SYNE1: variants seen among roughly 807,000 people sequenced by gnomAD.
The protein encoded by SYNE1 is nesprin-1.
In SYNE1, 616 loss-of-function variants were observed where a neutral mutation model predicts 1,111.0. That is an observed-to-expected ratio of 0.55 (90% CI 0.52 to 0.59). SYNE1 has a LOEUF of 0.59. SYNE1 is among the 20% of genes least tolerant of loss of function. The probability of loss-of-function intolerance (pLI) is 0.00; values close to 1 mark genes in which losing one functional copy is unlikely to be tolerated. For missense variants in SYNE1, 10,006 were observed against 10,417.0 expected (o/e 0.96, Z 1.72); for synonymous variants, 3,855 against 3,825.8 (o/e 1.01, Z -0.28).
At chr6:152,468,818 C>G (rs1321215674) in intron 16 of SYNE1, among the ~76,000 whole-genome samples, 1 of 152,056 alleles carries the variant, frequency 6.6e-6, no homozygotes, top group Non-Finnish European at 1.5e-5. Flanking sequence ...CTCTGTAGCT[C>G]AGGCTGAAGT....
At chr6:152,249,844 C>A (rs1011039522) in intron 104 of SYNE1, among the ~76,000 whole-genome samples, 1 of 151,922 alleles carries the variant, frequency 6.6e-6, no homozygotes, top group Non-Finnish European at 1.5e-5. Flanking sequence ...GTATTTTGTT[C>A]AAAAATATTA....
At position 152,313,385 on chromosome 6, in the gene SYNE1, AGCCCCTATTCAG is replaced by A. The variant is rs553930030; in HGVS notation, c.16711-2524_16711-2513del. ...CAATAGGTGTCATCCTCATTTACCC[AGCCCCTATTCAG>A]GCCCCTACGAAGTCACTCTGGTTCT... On this transcript the variant is annotated intron_variant, in intron 87 of 145. Transcript: ENST00000367255. Among the ~76,000 whole-genome samples, 421 of 152,118 alleles carry A rather than the reference AGCCCCTATTCAG, an allele frequency of 2.8e-3. 3 individuals are homozygous for A. Among genetic ancestry groups the A allele is most frequent in the African/African-American group, 9.5e-3 (396 of 41,502 alleles).
intron 113 of SYNE1, 68 bp downstream of exon 113, chr6:152,232,048 G>GT (rs1358375214): frequency 9.7e-6 from 12 of 1,242,262 alleles, no homozygotes; most frequent in Middle Eastern, 5.5e-4. Context: ...CATAATTTGA[G>GT]TTTTTTAGTT....
chr6:152,379,705 C>T (rs991298289), intron 56 of SYNE1, among the ~76,000 whole-genome samples: 36 of 152,196 alleles, frequency 2.4e-4, no homozygotes, highest in Non-Finnish European at 2.9e-5. Context: ...TGGAAGCAGA[C>T]ATACACAGAG....
At chr6:152,510,934 A>T in intron 7 of SYNE1, 77 bp downstream of exon 7, 1 of 1,268,016 alleles carries the variant, frequency 7.9e-7, no homozygotes, top group East Asian at 2.3e-5. Context: ...ATGGCAAATG[A>T]GAGCATTATT....
In SYNE1 at chr6:152,201,844, C is replaced by A. The variant is rs1191940113; in HGVS notation, c.23125G>T (p.Ala7709Ser). The A allele has an allele frequency of 6.2e-7, 1 of 1,613,912 alleles. No individual in the cohort carries two copies. ...TTTACCTTGCAACGCATTTGTTCTG[C>A]ATGGAGCTCTTCATGGTGATCCGGG... is the stretch of plus-strand genomic sequence containing the variant. ...SLPDHHEELH[A>S]EQMRCKELEN... is the part of the protein sequence containing the mutation. Residue 7709 changes from alanine (A) to serine (S), a missense_variant, in exon 127 of 146, where the codon GCA becomes TCA. Physicochemically the swap from Ala to Ser is moderately conservative, Grantham distance 99. Around this residue, in one of 7 missense-constraint regions of SYNE1, gnomAD observed 2,182 missense variants for 2,287.8 expected, o/e 0.95. Transcript: ENST00000367255.
intron 144 of SYNE1, among the ~76,000 whole-genome samples, 180 bp downstream of exon 144, chr6:152,131,942 T>G (rs866753059): frequency 4.6e-5 from 7 of 152,272 alleles, no homozygotes; most frequent in Middle Eastern, 3.4e-3. Flanking sequence ...GAATCGCTCT[T>G]TTCCATTCCT....
intron 3 of SYNE1, among the ~76,000 whole-genome samples, chr6:152,564,973 A>G (rs73633254): frequency 0.036 from 5,537 of 152,328 alleles, 345 homozygotes; most frequent in African/African-American, 0.13. Flanking sequence ...ATCACATAGT[A>G]TTCATTCATC....
chr6:152,591,545 A>G lies in SYNE1; in HGVS notation c.67+36720T>C, dbSNP rs1342603036. On this transcript the variant is annotated intron_variant, in intron 3 of 145. Coordinates refer to ENST00000367255, the MANE Select transcript of SYNE1 (RefSeq NM_182961.4). ...TAAAGATTTAAATGTAAGACCTCAA[A>G]ATGTAAAAATCCTGGAAGACAACCT... is the stretch of plus-strand genomic sequence containing the variant. Among the ~76,000 whole-genome samples, 4 of 152,314 alleles carry G rather than the reference A, an allele frequency of 2.6e-5. No individual in the cohort carries two copies. The East Asian group carries it at 7.7e-4, about 29-fold the overall frequency.
At chr6:152,254,649 T>C (rs1376243172) in intron 104 of SYNE1, among the ~76,000 whole-genome samples, 1 of 152,248 alleles carries the variant, frequency 6.6e-6, no homozygotes, top group Non-Finnish European at 1.5e-5. Flanking sequence ...TTGATTGAAT[T>C]CTATTCAGTC....
Position 152,331,794 on chromosome 6 carries a change from A to G in SYNE1, c.12891T>C (p.Asp4297=), listed in dbSNP as rs1554474332. 4 of 1,614,166 alleles carry G rather than the reference A, an allele frequency of 2.5e-6. No individual in the cohort carries two copies. The highest frequency in any genetic ancestry group is 3.3e-4 in the Middle Eastern group (2 of 6,062). ...ERKYAIEDLK[D]QKQKMIEHLN... ...GATGCTCTATCATTTTCTGCTTTTGATCTTTCAGATCTTCAATAGCATACT... is the reference window on the plus strand; with the variant it reads ...GATGCTCTATCATTTTCTGCTTTTGGTCTTTCAGATCTTCAATAGCATACT... Residue 4297 remains aspartate (D), a synonymous_variant, in exon 78 of 146, where the codon GAT becomes GAC. Coordinates refer to ENST00000367255, the MANE Select transcript of SYNE1 (RefSeq NM_182961.4).
chr6:152,339,277 T>A lies in SYNE1; in HGVS notation c.12315A>T (p.Lys4105Asn). ...TTTGTTGAATGTCTTTTGCTGTGGT[T>A]TTCACCGAAGCATTTGACAGGTCAC... is the stretch of plus-strand genomic sequence containing the variant. ...SMCDLSNASV[K>N]TTAKDIQQTE... Residue 4105 changes from lysine to asparagine, a missense_variant, in exon 75 of 146, where the codon AAA becomes AAT. Physicochemically the swap from Lys to Asn is moderately conservative, Grantham distance 94. This residue lies in a region of SYNE1 where 4,955 missense variants were observed against 5,017.2 expected (regional missense o/e 0.99). Transcript: ENST00000367255. The A allele has an allele frequency of 6.2e-7, 1 of 1,614,004 alleles. No homozygotes were observed. The highest frequency in any genetic ancestry group is 1.1e-5 in the South Asian group (1 of 91,086).
chr6:152,520,853 C>T (rs1048477669), intron 5 of SYNE1, among the ~76,000 whole-genome samples: 5 of 152,170 alleles, frequency 3.3e-5, no homozygotes, highest in African/African-American at 1.2e-4. Flanking sequence ...ACAGTCTCAT[C>T]ATTGGTCTGT....
intron 4 of SYNE1, among the ~76,000 whole-genome samples, 185 bp from the exon 5 acceptor site, chr6:152,526,360 A>C (rs2099163729): frequency 6.6e-6 from 1 of 152,244 alleles, no homozygotes; most frequent in South Asian, 2.1e-4. Context: ...AAAACAATCC[A>C]GTGGAGATAA....
chr6:152,634,485 C>A (rs1430110192), intron 2 of SYNE1, among the ~76,000 whole-genome samples: 1 of 152,058 alleles, frequency 6.6e-6, no homozygotes, highest in South Asian at 2.1e-4. Flanking sequence ...TCTATTCACC[C>A]ATTAATAATG....
At chr6:152,369,405 T>A in intron 60 of SYNE1, 66 bp downstream of exon 60, 1 of 1,611,378 alleles carries the variant, frequency 6.2e-7, no homozygotes, top group Non-Finnish European at 8.5e-7. Flanking sequence ...AGCATGCATC[T>A]GTAAGGTCGA....
At chr6:152,279,275 A>C (rs1463622527) in intron 97 of SYNE1, among the ~76,000 whole-genome samples, 3 of 150,762 alleles carry the variant, frequency 2.0e-5, no homozygotes, top group South Asian at 4.2e-4. Context: ...TAAAAAAAAA[A>C]ACAAAAAAAA....
rs6557199 is a variant in SYNE1, at chr6:152,155,649, T to C, written c.23978+261A>G. Among the ~76,000 whole-genome samples the C allele has an allele frequency of 0.12, 18,837 of 152,228 alleles. 2,371 individuals carry two copies. The highest frequency in any genetic ancestry group is 0.33 in the African/African-American group (13,615 of 41,496). ...GCCACACATTCTGTAATGTTATGCT[T>C]GTTTGACAAGGGTGTATTTTTATGT... On this transcript the variant is annotated intron_variant, in intron 132 of 145. Coordinates refer to ENST00000367255, the MANE Select transcript of SYNE1 (RefSeq NM_182961.4).
At chr6:152,376,952 T>C (rs749849084) in intron 56 of SYNE1, 40 bp from the exon 57 acceptor site, 23 of 1,610,226 alleles carry the variant, frequency 1.4e-5, no homozygotes, top group African/African-American at 2.7e-5. Flanking sequence ...AGCACTTACA[T>C]TGGGTGATCT....
Sources: gnomAD v4.1 joint callset for allele counts (sites outside exome capture counted in the v4.1 genomes callset) on GRCh38, gnomAD v4.1.1 for gene constraint, gnomAD v4.1.1 regional missense constraint, MANE v1.5 for transcripts, NCBI Gene and HGNC (gene_info 2026-07-23, HGNC 2026-07-21) for gene names.